The following DECR1 variants were observed in gnomAD, a reference collection of about 807,000 sequenced individuals.
The protein encoded by DECR1 is 2,4-dienoyl-CoA reductase 1, also known as 2,4-dienoyl-CoA reductase [(3E)-enoyl-CoA-producing], mitochondrial.
In DECR1, 44 loss-of-function variants were observed where a neutral mutation model predicts 38.8. The ratio of observed to expected loss-of-function variants is 1.13; its 90% CI spans 0.89 to 1.46. The LOEUF (loss-of-function observed/expected upper bound fraction) is 1.46, where lower values mean the gene tolerates loss of function less well. DECR1 is among the 40% of genes most tolerant of loss of function. The pLI, the probability that DECR1 is intolerant of heterozygous loss-of-function variation, is 0.00. For missense variants in DECR1, 428 were observed against 405.5 expected (o/e 1.06, Z -0.48); for synonymous variants, 148 against 135.2 (o/e 1.09, Z -0.66).
intron 5 of DECR1, among the ~76,000 whole-genome samples, chr8:90,022,347 CTG>C (rs142005713): frequency 6.6e-6 from 1 of 151,834 alleles, no homozygotes. Flanking sequence ...GGCACTAGCT[CTG>C]TGTGTGTGTG....
At chr8:90,010,970 T>G (rs564149333) in intron 1 of DECR1, among the ~76,000 whole-genome samples, 1 of 152,342 alleles carries the variant, frequency 6.6e-6, no homozygotes, top group Non-Finnish European at 1.5e-5. Flanking sequence ...ATGAACATGT[T>G]GAACATTCAA....
At chr8:90,039,405 G>C (rs1813694542) in intron 6 of DECR1, among the ~76,000 whole-genome samples, 2 of 152,180 alleles carry the variant, frequency 1.3e-5, no homozygotes, top group Admixed American at 6.6e-5. Flanking sequence ...TGTGTTCCAA[G>C]TGAAGGGGTA....
At chr8:90,009,452 A>G (rs115360925) in intron 1 of DECR1, among the ~76,000 whole-genome samples, 2,166 of 151,216 alleles carry the variant, frequency 0.014, 51 homozygotes, top group African/African-American at 0.05. Flanking sequence ...TAATTTCTTT[A>G]TCCCTCATTC....
chr8:90,036,709 G>T, intron 5 of DECR1, 132 bp from the exon 6 acceptor site: 1 of 550,434 alleles, frequency 1.8e-6, no homozygotes, highest in Non-Finnish European at 3.2e-6. Context: ...TTTAGAGTGA[G>T]TGAAGTTTTA....
At chr8:90,016,517 C>T (rs1415480214) in intron 1 of DECR1, among the ~76,000 whole-genome samples, 1 of 151,890 alleles carries the variant, frequency 6.6e-6, no homozygotes, top group East Asian at 1.9e-4. Flanking sequence ...GCCTGTAATC[C>T]CAGCTACTCT....
At chr8:90,021,198 T>G (rs1563630382) in intron 5 of DECR1, 142 bp downstream of exon 5, 1 of 563,750 alleles carries the variant, frequency 1.8e-6, no homozygotes, top group Non-Finnish European at 2.7e-6. Flanking sequence ...GATATTTAAA[T>G]AATTATCATA....
intron 5 of DECR1, among the ~76,000 whole-genome samples, chr8:90,033,715 C>A (rs1388744291): frequency 6.6e-6 from 1 of 152,046 alleles, no homozygotes; most frequent in East Asian, 1.9e-4. Flanking sequence ...GAAAATAAAA[C>A]CTTAAAGGGA....
At chr8:90,013,530 C>T (rs988009938) in intron 1 of DECR1, among the ~76,000 whole-genome samples, 2 of 149,588 alleles carry the variant, frequency 1.3e-5, no homozygotes, top group Non-Finnish European at 2.9e-5. Flanking sequence ...GTGAAAAGGG[C>T]TCACTTTTCC....
chr8:90,034,610 C>A (rs1436624534), intron 5 of DECR1, among the ~76,000 whole-genome samples: 1 of 152,040 alleles, frequency 6.6e-6, no homozygotes, highest in East Asian at 1.9e-4. Context: ...CCCTACCACA[C>A]CTGGCTAATT....
intron 5 of DECR1, chr8:90,029,388 A>G (rs929778232): frequency 2.6e-5 from 4 of 152,240 alleles, no homozygotes; most frequent in African/African-American, 9.6e-5. Flanking sequence ...ATTTAAAACT[A>G]AGAAGTAGAA....
chr8:90,010,890 T>C (rs1805809), intron 1 of DECR1, among the ~76,000 whole-genome samples: 77,310 of 152,060 alleles, frequency 0.51, 21,993 homozygotes, highest in African/African-American at 0.77. Context: ...TTCCTCTACG[T>C]ACTTCTTGTA....
intron 5 of DECR1, among the ~76,000 whole-genome samples, chr8:90,025,035 T>C (rs553323003): frequency 6.6e-6 from 1 of 152,222 alleles, no homozygotes; most frequent in South Asian, 2.1e-4. Context: ...TGGTTATAGA[T>C]GTGTGGTATT....
At chr8:90,025,389 T>C (rs1248392315) in intron 5 of DECR1, among the ~76,000 whole-genome samples, 1 of 152,220 alleles carries the variant, frequency 6.6e-6, no homozygotes, top group Non-Finnish European at 1.5e-5. Context: ...GTGTCCTCTT[T>C]TATTTCATTG....
intron 6 of DECR1, among the ~76,000 whole-genome samples, chr8:90,038,037 G>T (rs1475960968): frequency 1.3e-5 from 2 of 152,046 alleles, no homozygotes; most frequent in South Asian, 2.1e-4. Flanking sequence ...CTTGTCTCTG[G>T]CCATTGTTAA....
intron 1 of DECR1, among the ~76,000 whole-genome samples, chr8:90,007,392 AG>A (rs1178194060): frequency 6.6e-6 from 1 of 152,174 alleles, no homozygotes; most frequent in East Asian, 1.9e-4. Flanking sequence ...GACACAGAAT[AG>A]GCCCCCAATG....
intron 4 of DECR1, among the ~76,000 whole-genome samples, chr8:90,019,535 GGGTT>G (rs1338239152): frequency 1.3e-5 from 2 of 152,228 alleles, no homozygotes; most frequent in Non-Finnish European, 2.9e-5. Context: ...TTCTAGAAAA[GGGTT>G]GGTAACTTCT....
At chr8:90,041,319 G>T (rs1403533079) in intron 6 of DECR1, among the ~76,000 whole-genome samples, 1 of 151,992 alleles carries the variant, frequency 6.6e-6, no homozygotes, top group African/African-American at 2.4e-5. Flanking sequence ...TGATGGGGTT[G>T]TTTGTGTTTA....
intron 1 of DECR1, 77 bp downstream of exon 1, chr8:90,001,638 G>A (rs908341118): frequency 1.4e-6 from 2 of 1,381,280 alleles, no homozygotes; most frequent in Non-Finnish European, 2.0e-6. Context: ...CGTCACGGGG[G>A]CTCGGGGAGC....
At chr8:90,038,412 A>G (rs559504660) in intron 6 of DECR1, among the ~76,000 whole-genome samples, 1 of 151,494 alleles carries the variant, frequency 6.6e-6, no homozygotes, top group East Asian at 1.9e-4. Context: ...AATGAAGGTA[A>G]TATACCAATG....
Sources: allele counts gnomAD v4.1 joint callset (sites outside exome capture counted in the v4.1 genomes callset), GRCh38; gene constraint gnomAD v4.1.1; transcripts MANE v1.5; gene names NCBI Gene and HGNC (gene_info 2026-07-23, HGNC 2026-07-21).